Variants in GALNT13 observed in about 807,000 individuals in gnomAD.
The protein encoded by GALNT13 is UDP-GalNAc:polypeptide N-acetylgalactosaminyltransferase 13.
Under a neutral mutation model 64.2 loss-of-function variants are expected in GALNT13, and 28 were observed. The observed-to-expected ratio is 0.44, with a 90% CI of 0.32 to 0.60. The LOEUF is 0.60. Ranked by LOEUF, GALNT13 falls within the 20% of genes least tolerant of loss-of-function variation. The pLI is 0.05. For synonymous variants in GALNT13, 214 were observed against 224.6 expected, an observed-to-expected ratio of 0.95 and a Z score of 0.42; for missense variants, 577 against 669.8, an observed-to-expected ratio of 0.86 and a Z score of 1.53.
At chr2:153,910,824 TG>T (rs1238087163) in intron 2 of GALNT13, among the ~76,000 whole-genome samples, 1 of 152,200 alleles carries the variant, frequency 6.6e-6, no homozygotes, top group African/African-American at 2.4e-5. Context: ...TTGCATTTGC[TG>T]ATTGTTTTAT....
At chr2:154,150,294 G>A (rs554609658) in intron 4 of GALNT13, among the ~76,000 whole-genome samples, 11 of 152,212 alleles carry the variant, frequency 7.2e-5, no homozygotes, top group Admixed American at 2.0e-4. Context: ...GATCATGGTG[G>A]ATAAGCTTTT....
intron 4 of GALNT13, among the ~76,000 whole-genome samples, chr2:154,196,978 A>G (rs1364515087): frequency 2.0e-5 from 3 of 152,238 alleles, no homozygotes; most frequent in African/African-American, 2.4e-5. Flanking sequence ...TCTGATTGCT[A>G]TCTCATTCCC....
chr2:153,387,976 T>C, the GALNT13 span, among the ~76,000 whole-genome samples: 1 of 150,828 alleles, frequency 6.6e-6, no homozygotes, highest in African/African-American at 2.4e-5. Flanking sequence ...AATAGGCATG[T>C]CATATCATAT....
intron 3 of GALNT13, among the ~76,000 whole-genome samples, chr2:153,971,279 T>C (rs1222527572): frequency 6.6e-6 from 1 of 152,172 alleles, no homozygotes; most frequent in Admixed American, 6.6e-5. Flanking sequence ...CTACACTCGC[T>C]GTCCTTCTTC....
chr2:153,280,943 C>A, the GALNT13 span, among the ~76,000 whole-genome samples: 1 of 152,176 alleles, frequency 6.6e-6, no homozygotes, highest in South Asian at 2.1e-4. Flanking sequence ...GGATGACTGG[C>A]GCAATGCTGT....
At chr2:153,877,881 C>A (rs1686493761) in intron 1 of GALNT13, among the ~76,000 whole-genome samples, 1 of 152,078 alleles carries the variant, frequency 6.6e-6, no homozygotes, top group South Asian at 2.1e-4. Flanking sequence ...AAACATCTGG[C>A]AGGTCTTAAC....
chr2:153,853,675 A>G, the GALNT13 span, among the ~76,000 whole-genome samples: 5 of 151,282 alleles, frequency 3.3e-5, no homozygotes, highest in African/African-American at 9.7e-5. Flanking sequence ...TGATTCAATT[A>G]TATAAATATA....
At chr2:153,889,410 T>A (rs942119285) in intron 1 of GALNT13, among the ~76,000 whole-genome samples, 4 of 151,946 alleles carry the variant, frequency 2.6e-5, no homozygotes, top group Admixed American at 6.6e-5. Context: ...TTCCTGACAC[T>A]CTTTTATCCT....
chr2:153,930,452 TA>T (rs1226564578), intron 2 of GALNT13, among the ~76,000 whole-genome samples: 1 of 152,204 alleles, frequency 6.6e-6, no homozygotes, highest in Non-Finnish European at 1.5e-5. Flanking sequence ...CTAGAGTTTT[TA>T]TGGTTTTAGG....
At chr2:153,657,796 A>T in the GALNT13 span, among the ~76,000 whole-genome samples, 3 of 152,268 alleles carry the variant, frequency 2.0e-5, no homozygotes, top group East Asian at 5.8e-4. Flanking sequence ...AACTTGGCAG[A>T]TTTCACTATA....
chr2:154,363,514 C>T (rs1203302386), intron 9 of GALNT13, among the ~76,000 whole-genome samples: 1 of 152,086 alleles, frequency 6.6e-6, no homozygotes, highest in Non-Finnish European at 1.5e-5. Context: ...GTTGCAATCA[C>T]TGTTCTGCAC....
chr2:153,558,533 G>A, the GALNT13 span, among the ~76,000 whole-genome samples: 1 of 151,928 alleles, frequency 6.6e-6, no homozygotes, highest in African/African-American at 2.4e-5. Context: ...TGTACTTTAA[G>A]TAGCAAATTG....
chr2:153,510,790 G>C, the GALNT13 span, among the ~76,000 whole-genome samples: 3 of 152,058 alleles, frequency 2.0e-5, no homozygotes, highest in Non-Finnish European at 4.4e-5. Context: ...ATCAGCAAAA[G>C]AGACAGAGAC....
intron 4 of GALNT13, among the ~76,000 whole-genome samples, chr2:154,206,338 T>C (rs1687451390): frequency 6.6e-6 from 1 of 151,980 alleles, no homozygotes; most frequent in Admixed American, 6.6e-5. Flanking sequence ...ATTTTGTTTT[T>C]GAAATCATAT....
intron 3 of GALNT13, among the ~76,000 whole-genome samples, chr2:153,954,623 TAATA>T (rs772580155): frequency 6.7e-6 from 1 of 150,346 alleles, no homozygotes; most frequent in Non-Finnish European, 1.5e-5. Flanking sequence ...TAATTTATTA[TAATA>T]AATAAATAAT....
the GALNT13 span, among the ~76,000 whole-genome samples, chr2:153,689,142 A>T: frequency 1.3e-5 from 2 of 150,864 alleles, no homozygotes; most frequent in African/African-American, 4.9e-5. Flanking sequence ...TCTGATGTTA[A>T]TGAACCAATT....
the GALNT13 span, among the ~76,000 whole-genome samples, chr2:153,135,032 G>A: frequency 6.6e-6 from 1 of 152,226 alleles, no homozygotes; most frequent in East Asian, 1.9e-4. Flanking sequence ...ACCATAGACT[G>A]TGTGGCTTAA....
chr2:153,400,817 T>A, the GALNT13 span, among the ~76,000 whole-genome samples: 1 of 152,186 alleles, frequency 6.6e-6, no homozygotes, highest in Non-Finnish European at 1.5e-5. Context: ...CTTCTCTCTT[T>A]TTTTCTTTAT....
At chr2:153,686,282 G>A in the GALNT13 span, among the ~76,000 whole-genome samples, 1 of 152,012 alleles carries the variant, frequency 6.6e-6, no homozygotes, top group Non-Finnish European at 1.5e-5. Context: ...CGAGGAGCAT[G>A]GAAAGTTTTT....
Sources: gnomAD v4.1 joint callset for allele counts (sites outside exome capture counted in the v4.1 genomes callset) on GRCh38, gnomAD v4.1.1 for gene constraint, MANE v1.5 for transcripts, NCBI Gene and HGNC (gene_info 2026-07-23, HGNC 2026-07-21) for gene names.